Variants in PRKD1 observed in about 807,000 individuals in gnomAD.
The protein encoded by PRKD1 is protein kinase D1, also known as serine/threonine-protein kinase D1.
A neutral mutation model predicts 95.9 loss-of-function variants in PRKD1; 63 were observed. That is an observed-to-expected ratio of 0.66 (90% confidence interval 0.54 to 0.81). The LOEUF (loss-of-function observed/expected upper bound fraction) is 0.81, where lower values mean the gene tolerates loss of function less well. PRKD1 is among the 30% of genes least tolerant of loss of function. The pLI is 0.00. For synonymous variants in PRKD1, 425 were observed against 423.1 expected (o/e 1.00, Z -0.05); for missense variants, 1,048 against 1,165.3 (o/e 0.90, Z 1.47).
At chr14:29,784,082 C>G (rs1379894944) in intron 1 of PRKD1, among the ~76,000 whole-genome samples, 4 of 152,106 alleles carry the variant, frequency 2.6e-5, no homozygotes, top group African/African-American at 9.7e-5. Context: ...ATGTTTTCTT[C>G]TAGCGGTTTT....
rs778620548 is a variant in PRKD1 at position 29,634,485 on chromosome 14, G to C, written c.1247C>G (p.Thr416Arg). ...LMRVVQSVKH[T>R]KRKSSTVMKE... ...CATGACTGTGCTGCTTTTCCTCTTC[G>C]TGTGTTTGACAGACTGCACTACCCT... The change falls in exon 8 of 18, where the codon ACG (threonine) becomes AGG (arginine). Residue 416 changes from threonine (T) to arginine (R), a missense_variant. Physicochemically the swap from Thr to Arg is moderately conservative, Grantham distance 71 (BLOSUM62 -1). Transcript: ENST00000331968. 2.5e-6 allele frequency: 4 copies of C among 1,613,984 alleles called. No individual in the cohort carries two copies. The highest frequency in any genetic ancestry group is 3.4e-6 in the Non-Finnish European group (4 of 1,179,958).
At chr14:29,762,340 G>GCAC (rs1888034193) in intron 1 of PRKD1, among the ~76,000 whole-genome samples, 1 of 151,948 alleles carries the variant, frequency 6.6e-6, no homozygotes, top group East Asian at 1.9e-4. Flanking sequence ...GTCTTCATAG[G>GCAC]CACTCCAGCC....
chr14:29,770,415 G>A (rs1380007929), intron 1 of PRKD1, among the ~76,000 whole-genome samples: 4 of 152,186 alleles, frequency 2.6e-5, no homozygotes, highest in African/African-American at 9.7e-5. Flanking sequence ...GGGCTCAGAA[G>A]AAGAGAGCTG....
At chr14:29,907,923 A>G (rs753451974) in intron 1 of PRKD1, among the ~76,000 whole-genome samples, 26 of 152,222 alleles carry the variant, frequency 1.7e-4, no homozygotes, top group Non-Finnish European at 3.8e-4. Context: ...AATGTGACAC[A>G]TATTTTTAAA....
intron 4 of PRKD1, among the ~76,000 whole-genome samples, chr14:29,654,841 T>A (rs908156007): frequency 6.6e-6 from 1 of 152,252 alleles, no homozygotes; most frequent in Non-Finnish European, 1.5e-5. Flanking sequence ...AAAACATTTC[T>A]CTGAAGAAAT....
intron 16 of PRKD1, among the ~76,000 whole-genome samples, chr14:29,586,620 C>T (rs79927219): frequency 0.017 from 2,628 of 152,112 alleles, 82 homozygotes; most frequent in African/African-American, 0.061. Context: ...GGGAAGTAGT[C>T]GTTTCACTTT....
chr14:29,777,196 A>T (rs1363349330), intron 1 of PRKD1, among the ~76,000 whole-genome samples: 1 of 152,242 alleles, frequency 6.6e-6, no homozygotes, highest in Non-Finnish European at 1.5e-5. Flanking sequence ...AAACATGCCA[A>T]ATTGTAAAGA....
intron 2 of PRKD1, among the ~76,000 whole-genome samples, chr14:29,670,633 A>G (rs1478787368): frequency 6.6e-6 from 1 of 152,110 alleles, no homozygotes; most frequent in Non-Finnish European, 1.5e-5. Flanking sequence ...TCAATTTCAC[A>G]CTATTGTGGC....
chr14:29,638,312 C>T, intron 6 of PRKD1, 177 bp downstream of exon 6: 1 of 638,848 alleles, frequency 1.6e-6, no homozygotes. Context: ...TGACTGTTAT[C>T]AAAACTCCAT....
At chr14:29,580,710 A>G (rs991170845) in intron 16 of PRKD1, among the ~76,000 whole-genome samples, 2 of 152,150 alleles carry the variant, frequency 1.3e-5, no homozygotes, top group African/African-American at 4.8e-5. Context: ...GCGTTTTACT[A>G]AACATTTTTG....
chr14:29,778,067 G>T (rs146228000), intron 1 of PRKD1, among the ~76,000 whole-genome samples: 37 of 152,294 alleles, frequency 2.4e-4, no homozygotes, highest in Non-Finnish European at 4.6e-4. Context: ...CTAAATGAAA[G>T]CAGAAATAAA....
intron 1 of PRKD1, among the ~76,000 whole-genome samples, chr14:29,868,651 T>C (rs2139372948): frequency 6.6e-6 from 1 of 152,240 alleles, no homozygotes; most frequent in South Asian, 2.1e-4. Flanking sequence ...TCCTCAAAAA[T>C]AATGAAGAAG....
intron 2 of PRKD1, among the ~76,000 whole-genome samples, chr14:29,713,053 T>C (rs917731978): frequency 1.3e-5 from 2 of 152,120 alleles, no homozygotes; most frequent in African/African-American, 4.8e-5. Context: ...TCACTGATCT[T>C]GAGGGTATGA....
chr14:29,857,320 G>A (rs2139351389), intron 1 of PRKD1, among the ~76,000 whole-genome samples: 1 of 152,032 alleles, frequency 6.6e-6, no homozygotes, highest in South Asian at 2.1e-4. Flanking sequence ...ATAAAAGGCA[G>A]AAAATAAAAA....
chr14:29,895,413 C>T (rs1259352143), intron 1 of PRKD1, among the ~76,000 whole-genome samples: 1 of 152,158 alleles, frequency 6.6e-6, no homozygotes, highest in Non-Finnish European at 1.5e-5. Context: ...GCCCCATCAT[C>T]TCTTAATTAA....
intron 2 of PRKD1, among the ~76,000 whole-genome samples, chr14:29,685,181 C>T (rs45438295): frequency 0.02 from 3,027 of 152,270 alleles, 48 homozygotes; most frequent in Non-Finnish European, 0.032. Flanking sequence ...AGAAGCTTGA[C>T]TGCCCTTGGG....
intron 16 of PRKD1, among the ~76,000 whole-genome samples, chr14:29,586,796 G>C (rs995128874): frequency 1.3e-5 from 2 of 151,812 alleles, no homozygotes. Context: ...CACCACACCT[G>C]GTATTTTTAG....
intron 10 of PRKD1, among the ~76,000 whole-genome samples, chr14:29,629,787 G>C (rs1879862841): frequency 6.6e-6 from 1 of 152,084 alleles, no homozygotes; most frequent in South Asian, 2.1e-4. Flanking sequence ...CTGGGATAAA[G>C]TGATCAAGAA....
At chr14:29,717,246 C>G (rs920885052) in intron 2 of PRKD1, among the ~76,000 whole-genome samples, 1 of 151,974 alleles carries the variant, frequency 6.6e-6, no homozygotes, top group East Asian at 1.9e-4. Context: ...TAAAATAAAT[C>G]GTTCCTATTT....
Sources: gnomAD v4.1 joint callset for allele counts (sites outside exome capture counted in the v4.1 genomes callset) on GRCh38, gnomAD v4.1.1 for gene constraint, MANE v1.5 for transcripts, NCBI Gene and HGNC (gene_info 2026-07-23, HGNC 2026-07-21) for gene names.